TAFA1: variants seen among roughly 807,000 people sequenced by gnomAD.
TAFA1 encodes TAFA chemokine like family member 1.
In TAFA1, 4 loss-of-function variants were observed where a neutral mutation model predicts 18.5. The ratio of observed to expected loss-of-function variants is 0.22; its 90% CI spans 0.11 to 0.49. The LOEUF (loss-of-function observed/expected upper bound fraction) is 0.49. TAFA1 is among the 20% of genes least tolerant of loss of function. The pLI, the probability that TAFA1 is intolerant of heterozygous loss-of-function variation, is 0.98. For missense variants in TAFA1, 147 were observed against 169.0 expected (o/e 0.87, Z 0.72); for synonymous variants, 56 against 55.2 (o/e 1.01, Z -0.06).
chr3:68,123,076 C>T (rs1197930235), intron 2 of TAFA1, among the ~76,000 whole-genome samples: 2 of 151,894 alleles, frequency 1.3e-5, no homozygotes, highest in East Asian at 3.9e-4. Flanking sequence ...TCCTCCCTAC[C>T]CCAGACATTT....
intron 2 of TAFA1, among the ~76,000 whole-genome samples, chr3:68,034,557 T>A (rs1485292715): frequency 1.3e-5 from 2 of 152,224 alleles, no homozygotes; most frequent in Non-Finnish European, 2.9e-5. Flanking sequence ...TATTGTGACC[T>A]AGCTTTCAGC....
At chr3:68,135,847 T>A (rs749089698) in intron 2 of TAFA1, among the ~76,000 whole-genome samples, 1 of 152,228 alleles carries the variant, frequency 6.6e-6, no homozygotes, top group Non-Finnish European at 1.5e-5. Flanking sequence ...TGATGCCAGA[T>A]GTATGTTTCA....
At chr3:68,256,987 T>G (rs1027894311) in intron 2 of TAFA1, among the ~76,000 whole-genome samples, 4 of 152,124 alleles carry the variant, frequency 2.6e-5, no homozygotes, top group Non-Finnish European at 5.9e-5. Context: ...CACTCATTAG[T>G]TGGACTTTGG....
rs538569385 is a variant in TAFA1 at position 68,185,780 on chromosome 3, C to T, written c.118+179036C>T. On this transcript the variant is annotated intron_variant, in intron 2 of 4. Transcript: ENST00000478136. ...TACAAAAACTAGCCAGGTGTGGTGG[C>T]GCCTGCCTTTAGTCCCAGCTACTCA... 2.0e-4 allele frequency among the ~76,000 whole-genome samples: 31 copies of T among 151,926 alleles called. No individual in the cohort carries two copies. The East Asian group carries it at 2.3e-3, about 11-fold the overall frequency.
At chr3:68,424,435 T>C (rs559687226) in intron 3 of TAFA1, among the ~76,000 whole-genome samples, 5 of 152,090 alleles carry the variant, frequency 3.3e-5, no homozygotes, top group African/African-American at 1.2e-4. Flanking sequence ...GAACTGTTTG[T>C]ATTCAGTCTT....
Position 68,396,593 on chromosome 3 carries a change from C to A in TAFA1, c.119-20687C>A, listed in dbSNP as rs144833303. On this transcript the variant is annotated intron_variant, in intron 2 of 4. Coordinates refer to ENST00000478136, the MANE Select transcript of TAFA1 (RefSeq NM_213609.4). ...TACACTAGTCTACTGCAGTAACATACCACAATTTAGTTTTGCTATTGATAA... is the reference window on the plus strand; with the variant it reads ...TACACTAGTCTACTGCAGTAACATAACACAATTTAGTTTTGCTATTGATAA... Among the ~76,000 whole-genome samples the A allele has an allele frequency of 6.6e-5, 10 of 152,250 alleles. No individual in the cohort carries two copies. The East Asian group carries it at 1.7e-3, about 26-fold the overall frequency.
At chr3:68,302,693 A>T (rs72928509) in intron 2 of TAFA1, among the ~76,000 whole-genome samples, 5,612 of 152,204 alleles carry the variant, frequency 0.037, 335 homozygotes, top group African/African-American at 0.13. Context: ...GATGACTGGG[A>T]CACAGGAAGC....
At chr3:68,271,767 C>T (rs540834312) in intron 2 of TAFA1, among the ~76,000 whole-genome samples, 1 of 151,840 alleles carries the variant, frequency 6.6e-6, no homozygotes, top group Non-Finnish European at 1.5e-5. Context: ...TCATCTCCCC[C>T]CTTCCATATT....
rs145236700 is a variant in TAFA1 at position 68,373,894 on chromosome 3, C to T, written c.119-43386C>T. The stretch of plus-strand genomic sequence containing the variant: ...ACTCCCTTTCATGAGCAAAAGTAAA[C>T]GCATTCTGCAAACAGCTAGAGCTCC... On this transcript the variant is annotated intron_variant, in intron 2 of 4. Coordinates refer to ENST00000478136, the MANE Select transcript of TAFA1 (RefSeq NM_213609.4). 3.9e-3 allele frequency among the ~76,000 whole-genome samples: 591 copies of T among 152,264 alleles called. 2 individuals carry two copies. The highest frequency in any genetic ancestry group is 6.9e-3 in the Non-Finnish European group (471 of 68,024).
At chr3:68,337,015 G>A (rs968297226) in intron 2 of TAFA1, among the ~76,000 whole-genome samples, 12 of 152,288 alleles carry the variant, frequency 7.9e-5, no homozygotes, top group African/African-American at 2.9e-4. Flanking sequence ...GAGCCACCGT[G>A]CCCGGCCTAA....
chr3:68,189,486 T>C (rs972629848), intron 2 of TAFA1, among the ~76,000 whole-genome samples: 3 of 151,866 alleles, frequency 2.0e-5, no homozygotes, highest in African/African-American at 7.2e-5. Context: ...ATATCAAATA[T>C]GCCTGCCCTC....
intron 2 of TAFA1, among the ~76,000 whole-genome samples, chr3:68,214,926 T>C (rs1025548923): frequency 2.4e-4 from 36 of 151,986 alleles, no homozygotes; most frequent in African/African-American, 8.2e-4. Context: ...AGTCCAAGTG[T>C]CTTAATAAGA....
intron 2 of TAFA1, among the ~76,000 whole-genome samples, chr3:68,079,215 T>G (rs1402813409): frequency 6.6e-6 from 1 of 152,232 alleles, no homozygotes. Context: ...TTCTCATTAA[T>G]AGTCTTGCTA....
intron 2 of TAFA1, among the ~76,000 whole-genome samples, chr3:68,141,564 C>T (rs899965847): frequency 5.3e-5 from 8 of 152,220 alleles, no homozygotes; most frequent in Non-Finnish European, 1.0e-4. Flanking sequence ...CAACTAGACA[C>T]ATGACCTAGG....
intron 2 of TAFA1, among the ~76,000 whole-genome samples, chr3:68,156,893 C>T (rs906171507): frequency 5.3e-5 from 8 of 152,110 alleles, no homozygotes; most frequent in African/African-American, 1.9e-4. Flanking sequence ...TATGTTACTT[C>T]TCTGAGAGGA....
intron 3 of TAFA1, among the ~76,000 whole-genome samples, chr3:68,443,257 C>A (rs1012627181): frequency 6.6e-5 from 10 of 152,148 alleles, no homozygotes; most frequent in Admixed American, 6.6e-4. Context: ...AAGCACAGAA[C>A]CCTGGAAGGC....
intron 3 of TAFA1, among the ~76,000 whole-genome samples, chr3:68,497,137 T>A (rs558980368): frequency 1.3e-5 from 2 of 152,334 alleles, no homozygotes; most frequent in South Asian, 4.1e-4. Context: ...ATTGCCAATG[T>A]CCTTGGCTAA....
intron 2 of TAFA1, among the ~76,000 whole-genome samples, chr3:68,052,575 A>G (rs1360628583): frequency 6.6e-6 from 1 of 152,186 alleles, no homozygotes; most frequent in Non-Finnish European, 1.5e-5. Flanking sequence ...GGCATTTCTG[A>G]AAGTTTTATA....
At chr3:68,275,153 T>C (rs546706911) in intron 2 of TAFA1, among the ~76,000 whole-genome samples, 1 of 152,202 alleles carries the variant, frequency 6.6e-6, no homozygotes, top group Non-Finnish European at 1.5e-5. Flanking sequence ...TTATGGCAGG[T>C]ACTGGGGTGA....
Sources: gnomAD v4.1 joint callset for allele counts (sites outside exome capture counted in the v4.1 genomes callset) on GRCh38, gnomAD v4.1.1 for gene constraint, MANE v1.5 for transcripts, NCBI Gene and HGNC (gene_info 2026-07-23, HGNC 2026-07-21) for gene names.